SP2: variants seen among roughly 807,000 people sequenced by gnomAD.
The protein encoded by SP2 is transcription factor Sp2.
In SP2, 9 loss-of-function variants were observed where a neutral mutation model predicts 50.1. The ratio of observed to expected loss-of-function variants is 0.18; its 90% CI spans 0.11 to 0.31. SP2 has a LOEUF of 0.31. Ranked by LOEUF, SP2 falls within the 10% of genes least tolerant of loss-of-function variation. The pLI, the probability that SP2 is intolerant of heterozygous loss-of-function variation, is 1.00. For synonymous variants in SP2, 313 were observed against 326.6 expected (o/e 0.96, Z 0.45); for missense variants, 581 against 806.5 (o/e 0.72, Z 3.39).
In SP2 at chr17:47,916,504, A is replaced by G. The variant is rs1332034710; in HGVS notation, c.433A>G (p.Thr145Ala). ...VPQIQASNSQ[T>A]IQVQPNLTNQ... ...TCAGATTCAGGCAAGCAATTCCCAA[A>G]CCATCCAAGTACAGCCCAATCTCAC... Residue 145 changes from threonine (T) to alanine (A), a missense_variant, in exon 3 of 7, where the codon ACC becomes GCC. Thr to Ala is a moderately conservative substitution (Grantham distance 58). Coordinates refer to ENST00000376741, the MANE Select transcript of SP2 (RefSeq NM_003110.6). This position sits in a 1 kb window ranked among gnomAD's most constrained non-coding sequence, Gnocchi z 4.7. The G allele has an allele frequency of 6.2e-7, 1 of 1,613,968 alleles. No homozygotes were observed. The highest frequency in any genetic ancestry group is 1.7e-5 in the Admixed American group (1 of 59,988).
At chr17:47,925,905 C>CTTTTTTTTTTTT (rs71141942) in intron 6 of SP2, among the ~76,000 whole-genome samples, 1 of 84,424 alleles carries the variant, frequency 1.2e-5, no homozygotes. Flanking sequence ...TTGTTTATGC[C>CTTTTTTTTTTTT]TTTTTTTTTT....
chr17:47,911,838 CAAGAA>C (rs1486469073), intron 1 of SP2, among the ~76,000 whole-genome samples: 1 of 151,616 alleles, frequency 6.6e-6, no homozygotes, highest in Non-Finnish European at 1.5e-5. Flanking sequence ...TGAAAACACA[CAAGAA>C]AAGAATAAAA....
chr17:47,896,613 C>T (rs1037225499), intron 1 of SP2, among the ~76,000 whole-genome samples: 9 of 152,182 alleles, frequency 5.9e-5, no homozygotes, highest in African/African-American at 2.2e-4. Context: ...CGGACGGGTG[C>T]CGACCCACTT....
rs746010428 is a variant in SP2, at chr17:47,916,893, G to A, written c.822G>A (p.Ala274=). 2.9e-5 allele frequency: 47 copies of A among 1,614,060 alleles called. No homozygotes were observed. Among genetic ancestry groups the A allele is most frequent in the Non-Finnish European group, 3.5e-5 (41 of 1,180,044 alleles). The change falls in exon 3 of 7, where the codon GCG becomes GCA. Residue 274 remains alanine, a synonymous_variant. Transcript: ENST00000376741. This position sits in a 1 kb window ranked among gnomAD's most constrained non-coding sequence, Gnocchi z 4.7. ...AGACGGTGCTGATCGAGACCACCGC[G>A]GACAACATCATCCAGGCAGGAAATA... is the stretch of plus-strand genomic sequence containing the variant. ...QVETVLIETT[A]DNIIQAGNNL...
intron 2 of SP2, among the ~76,000 whole-genome samples, chr17:47,915,791 A>T (rs2035176223): frequency 6.6e-6 from 1 of 151,802 alleles, no homozygotes; most frequent in Non-Finnish European, 1.5e-5. Context: ...GCAATCAGGG[A>T]CCCCTCAGTC....
chr17:47,931,617 G>A (rs1045423285), downstream of SP2, among the ~76,000 whole-genome samples: 1 of 152,154 alleles, frequency 6.6e-6, no homozygotes. Flanking sequence ...CCCCTTTAAG[G>A]TTGCCCCTTA....
At chr17:47,896,405 T>C in intron 1 of SP2, 112 bp downstream of exon 1, 1 of 929,456 alleles carries the variant, frequency 1.1e-6, no homozygotes. Flanking sequence ...TGGGGCTGGG[T>C]CTGGCGTCGG....
Position 47,915,305 on chromosome 17 carries a change from C to G in SP2, c.8-7C>G, listed in dbSNP as rs753532412. 13 of 1,605,112 alleles carry G rather than the reference C, an allele frequency of 8.1e-6. No homozygotes were observed. Among genetic ancestry groups the G allele is most frequent in the Non-Finnish European group, 1.1e-5 (13 of 1,174,586 alleles). ...TATACATTACTCCATCTCTTTTCTTCCAACAGATCCACAGACCAGCATGGC... is the reference window on the plus strand; with the variant it reads ...TATACATTACTCCATCTCTTTTCTTGCAACAGATCCACAGACCAGCATGGC... On this transcript the variant is annotated splice_polypyrimidine_tract_variant and splice_region_variant and intron_variant, in intron 1 of 6. Coordinates refer to ENST00000376741, the MANE Select transcript of SP2 (RefSeq NM_003110.6).
chr17:47,916,541 A>G lies in SP2; in HGVS notation c.470A>G (p.Gln157Arg). ...CAGCCCAATCTCACCAACCAGATCCAGATCATCCCTGGCACCAACCAAGCC... is the reference window on the plus strand; with the variant it reads ...CAGCCCAATCTCACCAACCAGATCCGGATCATCCCTGGCACCAACCAAGCC... ...QVQPNLTNQI[Q>R]IIPGTNQAII... Residue 157 changes from glutamine to arginine, a missense_variant, in exon 3 of 7, where the codon CAG (glutamine) becomes CGG (arginine). Physicochemically the swap from Gln to Arg is conservative, Grantham distance 43 (BLOSUM62 1). Coordinates refer to ENST00000376741, the MANE Select transcript of SP2 (RefSeq NM_003110.6). The surrounding 1 kb of genome is among the most constrained non-coding windows in gnomAD (Gnocchi z 4.7). 6.2e-7 allele frequency: 1 copy of G among 1,614,146 alleles called. No homozygotes were observed. The highest frequency in any genetic ancestry group is 8.5e-7 in the Non-Finnish European group (1 of 1,180,018).
intron 1 of SP2, chr17:47,914,782 G>A (rs754349871): frequency 6.6e-6 from 1 of 152,368 alleles, no homozygotes; most frequent in Non-Finnish European, 1.5e-5. Context: ...TGTCCTCACA[G>A]CCTCAGATGG....
chr17:47,916,476 C>G lies in SP2; in HGVS notation c.405C>G (p.Val135=), dbSNP rs1185982410. The change falls in exon 3 of 7, where the codon GTC becomes GTG. Residue 135 remains valine, a synonymous_variant. Coordinates refer to ENST00000376741, the MANE Select transcript of SP2 (RefSeq NM_003110.6). The surrounding 1 kb of genome is among the most constrained non-coding windows in gnomAD (Gnocchi z 4.7). ...ATGCCAATATCCAGTACCAGGCGGTCCCTCAGATTCAGGCAAGCAATTCCC... is the reference window on the plus strand; with the variant it reads ...ATGCCAATATCCAGTACCAGGCGGTGCCTCAGATTCAGGCAAGCAATTCCC... ...RSNANIQYQA[V]PQIQASNSQT... 3 of 1,613,994 alleles carry G rather than the reference C, an allele frequency of 1.9e-6. No homozygotes were observed. The highest frequency in any genetic ancestry group is 2.2e-5 in the East Asian group (1 of 44,888).
At chr17:47,917,881 T>C (rs1011780954) in intron 3 of SP2, 1 of 313,718 alleles carries the variant, frequency 3.2e-6, no homozygotes, top group African/African-American at 2.2e-5. Flanking sequence ...TTTGGCTCTG[T>C]GAGGCAAGTT....
chr17:47,917,333 T>G (rs1485707580), intron 3 of SP2, among the ~76,000 whole-genome samples: 2 of 152,210 alleles, frequency 1.3e-5, no homozygotes, highest in Admixed American at 1.3e-4. Context: ...CTTTAGAAAT[T>G]GATGAAACAT....
In SP2 at chr17:47,896,256, G is replaced by T; in HGVS notation, c.-31G>T. On this transcript the variant is annotated 5_prime_UTR_variant, in exon 1 of 7. The change creates a new upstream start codon in the 5' untranslated region. Coordinates refer to ENST00000376741, the MANE Select transcript of SP2 (RefSeq NM_003110.6). ...GTGTCAGGCTCTCGGTGGCGGCGGA[G>T]GCGGCGGAGGCCAGGGAGGAAGATG... 1 of 1,236,756 alleles carries T rather than the reference G, an allele frequency of 8.1e-7. No homozygotes were observed. 76.6% of individuals were successfully genotyped at this position (1,236,756 alleles called of 1,614,324 possible). A position where few individuals can be genotyped will look rare whatever the true frequency, so the allele number is the denominator to read the frequency against.
At chr17:47,905,688 C>A (rs1056635138) in intron 1 of SP2, among the ~76,000 whole-genome samples, 1 of 152,152 alleles carries the variant, frequency 6.6e-6, no homozygotes, top group African/African-American at 2.4e-5. Context: ...CTAGAAAGAC[C>A]GTGGGACAGG....
At chr17:47,910,528 C>T (rs1413498027) in intron 1 of SP2, among the ~76,000 whole-genome samples, 1 of 152,168 alleles carries the variant, frequency 6.6e-6, no homozygotes, top group Non-Finnish European at 1.5e-5. Flanking sequence ...GAACATGAAT[C>T]TGTGTGTCAG....
intron 5 of SP2, 99 bp from the exon 6 acceptor site, chr17:47,925,249 T>C: frequency 7.1e-7 from 1 of 1,413,398 alleles, no homozygotes; most frequent in Non-Finnish European, 9.7e-7. Context: ...CTCTCTGACC[T>C]GACCCCACAT....
chr17:47,916,330 T>G lies in SP2; in HGVS notation c.259T>G (p.Leu87Val). 6.2e-7 allele frequency: 1 copy of G among 1,614,088 alleles called. No homozygotes were observed. Among genetic ancestry groups the G allele is most frequent in the South Asian group, 1.1e-5 (1 of 91,076 alleles). ...LSPGKNSFGI[L>V]SSKGNILQIQ... ...CCCCGGCAAGAATAGCTTTGGAATC[T>G]TGTCCTCCAAAGGAAATATACTTCA... Residue 87 changes from leucine to valine, a missense_variant, in exon 3 of 7, where the codon TTG becomes GTG. Leu to Val is a conservative substitution (Grantham distance 32). This residue lies in a region of SP2 where 397 missense variants were observed against 491.0 expected (regional missense o/e 0.81). Coordinates refer to ENST00000376741, the MANE Select transcript of SP2 (RefSeq NM_003110.6). The surrounding 1 kb of genome is among the most constrained non-coding windows in gnomAD (Gnocchi z 4.7).
intron 1 of SP2, among the ~76,000 whole-genome samples, chr17:47,905,900 GAC>G (rs2034741073): frequency 6.6e-6 from 1 of 152,194 alleles, no homozygotes; most frequent in African/African-American, 2.4e-5. Flanking sequence ...CTCCAAGTGA[GAC>G]AGGGTGGCGT....
Sources: gnomAD v4.1 joint callset for allele counts (sites outside exome capture counted in the v4.1 genomes callset) on GRCh38, gnomAD v4.1.1 for gene constraint, gnomAD v4.1.1 regional missense constraint, Gnocchi (gnomAD v3.1) non-coding constraint, MANE v1.5 for transcripts, NCBI Gene and HGNC (gene_info 2026-07-23, HGNC 2026-07-21) for gene names.